The following GPR35 variants were observed in gnomAD, a reference collection of about 807,000 sequenced individuals.
The protein encoded by GPR35 is G protein-coupled receptor 35, also known as KYNA receptor.
For synonymous variants in GPR35, 207 were observed against 198.4 expected (o/e 1.04, Z -0.36); for missense variants, 372 against 422.5 (o/e 0.88, Z 1.05).
chr2:240,606,666 G>C (rs1409015810), intron 2 of GPR35: 8 of 152,246 alleles, frequency 5.3e-5, no homozygotes, highest in African/African-American at 1.9e-4. Flanking sequence ...AGAGTGGCAG[G>C]GGGGGTATTC....
intron 2 of GPR35, among the ~76,000 whole-genome samples, chr2:240,609,001 A>C (rs2043160330): frequency 6.6e-6 from 1 of 152,198 alleles, no homozygotes; most frequent in Admixed American, 6.5e-5. Context: ...AAGATGTCAA[A>C]TGTAATTTCA....
intron 2 of GPR35, among the ~76,000 whole-genome samples, chr2:240,610,039 A>G (rs2043167689): frequency 6.6e-6 from 1 of 151,566 alleles, no homozygotes; most frequent in African/African-American, 2.4e-5. Flanking sequence ...AGCTCACTGC[A>G]ACCTCCGCCT....
intron 1 of GPR35, chr2:240,627,285 T>C (rs2043389072): frequency 6.6e-6 from 1 of 152,290 alleles, no homozygotes; most frequent in Non-Finnish European, 1.5e-5. Context: ...GGCTAAAGCC[T>C]GGGCCTTGAT....
chr2:240,631,284 C>T lies in GPR35; in HGVS notation c.*402C>T, dbSNP rs773515828. The T allele has an allele frequency of 1.8e-5, 4 of 228,472 alleles. No homozygotes were observed. Among genetic ancestry groups the T allele is most frequent in the Non-Finnish European group, 2.8e-5 (3 of 106,742 alleles). 14.2% of individuals were successfully genotyped at this position (228,472 alleles called of 1,614,324 possible). On this transcript the variant is annotated 3_prime_UTR_variant, in exon 2 of 2. Coordinates refer to ENST00000407714, the MANE Select transcript of GPR35 (RefSeq NM_005301.5). ...AGTGGGGCCCTCTGTGTTTCGCACTCGTGTGGTGGGAGGCAGGGAGGGAGC... is the reference window on the plus strand; with the variant it reads ...AGTGGGGCCCTCTGTGTTTCGCACTTGTGTGGTGGGAGGCAGGGAGGGAGC...
At chr2:240,610,993 C>T (rs1416307830) in intron 2 of GPR35, among the ~76,000 whole-genome samples, 1 of 151,918 alleles carries the variant, frequency 6.6e-6, no homozygotes, top group Non-Finnish European at 1.5e-5. Flanking sequence ...TGTGCAGTGG[C>T]ATGAACTCTG....
upstream of GPR35, among the ~76,000 whole-genome samples, chr2:240,622,404 T>C (rs995942316): frequency 6.6e-6 from 1 of 152,098 alleles, no homozygotes; most frequent in Admixed American, 6.5e-5. Context: ...TTCCCTGACA[T>C]CGCCTCACAG....
At chr2:240,627,631 T>TTTTTC (rs1337342094) in intron 1 of GPR35, 1 of 103,946 alleles carries the variant, frequency 9.6e-6, no homozygotes, top group Admixed American at 8.8e-5. Context: ...TTTCTGTCTT[T>TTTTTC]TTTTTTTTTT....
At chr2:240,606,460 T>C (rs941699926) in exon 2 of GPR35, 1 of 152,298 alleles carries the variant, frequency 6.6e-6, no homozygotes, top group African/African-American at 2.4e-5. Flanking sequence ...CTTTCCACCA[T>C]CTTGCTGCCC....
In GPR35 at chr2:240,620,183, G is replaced by A. The variant is rs567328389; in HGVS notation, c.-5+1152G>A. Among the ~76,000 whole-genome samples, 32 of 152,316 alleles carry A rather than the reference G, an allele frequency of 2.1e-4. 1 individual carries two copies. The South Asian group carries it at 6.2e-3, about 30-fold the overall frequency. On this transcript the variant is annotated intron_variant, in intron 5 of 5. Coordinates refer to the GPR35 transcript ENST00000319838. ...CCAGCGGGGCATCTGGCAGCAGTGG[G>A]TCCCCAGGAGCAGGCAGTGGGAGCC...
At chr2:240,620,188 C>T (rs2043277913) in intron 5 of GPR35, among the ~76,000 whole-genome samples, 1 of 152,114 alleles carries the variant, frequency 6.6e-6, no homozygotes, top group African/African-American at 2.4e-5. Context: ...AGTGGGTCCC[C>T]AGGAGCAGGC....
In GPR35 at chr2:240,630,191, T is replaced by C. The variant is rs945716502; in HGVS notation, c.239T>C (p.Leu80Pro). The C allele has an allele frequency of 4.4e-6, 7 of 1,585,584 alleles. No homozygotes were observed. The African/African-American group carries it at 8.0e-5, about 18-fold the overall frequency. ...ACCTTGCCCTTCGTGCTGCACTCCCTGCGAGACACCTCAGACACGCCGCTG... is the reference window on the plus strand; with the variant it reads ...ACCTTGCCCTTCGTGCTGCACTCCCCGCGAGACACCTCAGACACGCCGCTG... ...LCTLPFVLHSLRDTSDTPLCQ... is the reference protein window; with the variant it reads ...LCTLPFVLHSPRDTSDTPLCQ... The change falls in exon 2 of 2, where the codon CTG (leucine) becomes CCG (proline). Residue 80 changes from leucine (L) to proline (P), a missense_variant. Leu to Pro is a moderately conservative substitution (Grantham distance 98). Transcript: ENST00000407714.
At chr2:240,606,312 G>T (rs2043133638) in intron 1 of GPR35, 1 of 152,368 alleles carries the variant, frequency 6.6e-6, no homozygotes, top group Non-Finnish European at 1.5e-5. Context: ...GGGAGGAGCA[G>T]CCAGGCTTGG....
upstream of GPR35, among the ~76,000 whole-genome samples, chr2:240,623,517 G>GGCGCAAACAGGTC (rs2043332683): frequency 6.6e-6 from 1 of 150,570 alleles, no homozygotes; most frequent in Non-Finnish European, 1.5e-5. Flanking sequence ...AGGTCGTGAG[G>GGCGCAAACAGGTC]GTGCAGCTTT....
At chr2:240,624,623 C>T (rs1017222629), upstream of GPR35, among the ~76,000 whole-genome samples, 11 of 152,164 alleles carry the variant, frequency 7.2e-5, no homozygotes, top group Admixed American at 5.9e-4. Context: ...TGAAGCTCTC[C>T]CCAGCCTATC....
In GPR35 at chr2:240,632,749, T is replaced by TCATGCAC. The variant is rs901910437; in HGVS notation, c.*1868_*1874dup. 1.3e-5 allele frequency among the ~76,000 whole-genome samples: 2 copies of TCATGCAC among 151,662 alleles called. No individual in the cohort carries two copies. The highest frequency in any genetic ancestry group is 4.8e-5 in the African/African-American group (2 of 41,262). ...CAGGAGGGTCCATGCCCAGGCCAGT[T>TCATGCAC]CATGCACAGGAGGGCCCCATGCCTA... On this transcript the variant is annotated 3_prime_UTR_variant, in exon 2 of 2. Coordinates refer to ENST00000407714, the MANE Select transcript of GPR35 (RefSeq NM_005301.5).
At chr2:240,628,663 T>A (rs1011647327) in intron 1 of GPR35, 6 of 152,190 alleles carry the variant, frequency 3.9e-5, no homozygotes, top group Non-Finnish European at 5.9e-5. Context: ...CCCTCCTGAT[T>A]TGGGGGACCT....
chr2:240,611,309 A>G (rs964266165), intron 2 of GPR35, among the ~76,000 whole-genome samples: 2 of 151,998 alleles, frequency 1.3e-5, no homozygotes, highest in African/African-American at 4.8e-5. Context: ...CCTCAGTCAC[A>G]TTTAATGTAA....
chr2:240,623,713 G>C (rs1164906235), upstream of GPR35, among the ~76,000 whole-genome samples: 1 of 152,144 alleles, frequency 6.6e-6, no homozygotes, highest in Non-Finnish European at 1.5e-5. Context: ...GTAGGGGGTG[G>C]GCTGGGGACA....
intron 2 of GPR35, among the ~76,000 whole-genome samples, chr2:240,609,241 T>G (rs561370275): frequency 3.9e-5 from 6 of 152,298 alleles, no homozygotes; most frequent in Admixed American, 3.9e-4. Flanking sequence ...TTTCTTCTGC[T>G]TACTTGGGTT....
Sources: gnomAD v4.1 joint callset for allele counts (sites outside exome capture counted in the v4.1 genomes callset) on GRCh38, gnomAD v4.1.1 for gene constraint, MANE v1.5 for transcripts, NCBI Gene and HGNC (gene_info 2026-07-23, HGNC 2026-07-21) for gene names.